The following EHMT1 variants were observed in gnomAD, a reference collection of about 807,000 sequenced individuals.
EHMT1 encodes the protein euchromatic histone lysine methyltransferase 1, also known as histone-lysine N-methyltransferase EHMT1.
EHMT1 carries 15 observed loss-of-function variants against 147.2 expected under a neutral mutation model. That is an observed-to-expected ratio of 0.10 (90% CI 0.07 to 0.16). The LOEUF (loss-of-function observed/expected upper bound fraction) is 0.16. Among genes scored for constraint, EHMT1 ranks in the 10% least tolerant of loss-of-function variants. EHMT1 has a pLI of 1.00. For synonymous variants in EHMT1, 795 were observed against 709.6 expected (o/e 1.12, Z -1.91); for missense variants, 1,587 against 1,772.4 (o/e 0.90, Z 1.88).
At chr9:137,766,838 A>G (rs1162829297) in intron 10 of EHMT1, among the ~76,000 whole-genome samples, 1 of 151,772 alleles carries the variant, frequency 6.6e-6, no homozygotes, top group Non-Finnish European at 1.5e-5. Context: ...GCTTTATTTT[A>G]TTTTTCGAGA....
At position 137,828,978 on chromosome 9, in the gene EHMT1, AG is replaced by A. The variant is rs893473501; in HGVS notation, c.3541-5370del. 5.3e-5 allele frequency among the ~76,000 whole-genome samples: 8 copies of A among 152,122 alleles called. No individual in the cohort carries two copies. The highest frequency in any genetic ancestry group is 1.9e-4 in the African/African-American group (8 of 41,422). The stretch of plus-strand genomic sequence containing the variant: ...GCCTCTTTTGCCTCTGGCGAAGTGA[AG>A]TGAGCACCTGTAGTGAGGTCCACTC... On this transcript the variant is annotated intron_variant, in intron 25 of 26. Coordinates refer to ENST00000460843, the MANE Select transcript of EHMT1 (RefSeq NM_024757.5). This position sits in a 1 kb window ranked among gnomAD's most constrained non-coding sequence, Gnocchi z 5.3.
intron 1 of EHMT1, chr9:137,697,140 G>T (rs892942622): frequency 2.6e-6 from 1 of 386,746 alleles, no homozygotes; most frequent in Non-Finnish European, 5.3e-6. Context: ...AATTAGCTGG[G>T]CATGTTGGCA....
In EHMT1 at chr9:137,805,313, TGTC is replaced by T. The variant is rs201011921; in HGVS notation, c.2712+4333_2712+4335del. 7.7e-3 allele frequency among the ~76,000 whole-genome samples: 1,172 copies of T among 152,304 alleles called. 15 individuals are homozygous for T. The highest frequency in any genetic ancestry group is 0.027 in the African/African-American group (1,130 of 41,572). On this transcript the variant is annotated intron_variant, in intron 18 of 26. Transcript: ENST00000460843. ...TCAGTCATCTGCATGTCTGTGAGTCTGTCGTCCACATGTATGAGTTGGTCATCC... is the reference window on the plus strand; with the variant it reads ...TCAGTCATCTGCATGTCTGTGAGTCTGTCCACATGTATGAGTTGGTCATCC...
chr9:137,784,197 C>T (rs1320367695), intron 15 of EHMT1: 9 of 1,550,140 alleles, frequency 5.8e-6, no homozygotes, highest in Admixed American at 3.9e-5. Context: ...CCAGGAACCA[C>T]GCCAAGAGGA....
intron 1 of EHMT1, among the ~76,000 whole-genome samples, chr9:137,669,597 AGCC>A (rs904932470): frequency 1.4e-5 from 2 of 141,766 alleles, no homozygotes; most frequent in African/African-American, 5.2e-5. Flanking sequence ...CCCAGGGCGC[AGCC>A]GCTCCAGCAG....
chr9:137,710,574 C>T (rs10119023), intron 1 of EHMT1, among the ~76,000 whole-genome samples: 4,924 of 37,340 alleles, frequency 0.13, 242 homozygotes, highest in African/African-American at 0.31. Flanking sequence ...CTTGATTTAT[C>T]TATTTCTATA....
intron 4 of EHMT1, among the ~76,000 whole-genome samples, chr9:137,729,673 T>C (rs558235044): frequency 1.3e-5 from 2 of 152,306 alleles, no homozygotes; most frequent in Admixed American, 1.3e-4. Flanking sequence ...GTGTACCCTT[T>C]ATTCATTTCA....
In EHMT1 at chr9:137,669,817, C is replaced by T. The variant is rs191496119; in HGVS notation, c.22-41150C>T. ...ATCCTCCCATCTGGGCCTCTCAAAG[C>T]GCTGATATTACAGGTGTGAGCCATG... On this transcript the variant is annotated intron_variant, in intron 1 of 26. Transcript: ENST00000460843. 1.6e-3 allele frequency among the ~76,000 whole-genome samples: 245 copies of T among 152,218 alleles called. 1 individual carries two copies. Among genetic ancestry groups the T allele is most frequent in the African/African-American group, 5.5e-3 (229 of 41,522 alleles).
Position 137,619,067 on chromosome 9 carries a change from C to A in EHMT1, c.21+18C>A. 2.4e-6 allele frequency: 2 copies of A among 819,076 alleles called. No homozygotes were observed. Among genetic ancestry groups the A allele is most frequent in the Non-Finnish European group, 2.9e-6 (2 of 681,250 alleles). 50.7% of individuals were successfully genotyped at this position (819,076 alleles called of 1,614,324 possible). On this transcript the variant is annotated intron_variant, in intron 1 of 26. Coordinates refer to ENST00000460843, the MANE Select transcript of EHMT1 (RefSeq NM_024757.5). ...ATGCCGAGGTGAGCAGCGGGGCCGGCGGGGGGCGGCGCGGGGGCGGCGGGC... is the reference window on the plus strand; with the variant it reads ...ATGCCGAGGTGAGCAGCGGGGCCGGAGGGGGGCGGCGCGGGGGCGGCGGGC...
At chr9:137,764,292 T>C in intron 10 of EHMT1, 1 of 152,394 alleles carries the variant, frequency 6.6e-6, no homozygotes, top group Non-Finnish European at 1.5e-5. Context: ...TCAGCGCCTC[T>C]CATCTGTGGC....
At chr9:137,778,094 C>T in intron 13 of EHMT1, 39 bp downstream of exon 13, 1 of 1,612,710 alleles carries the variant, frequency 6.2e-7, no homozygotes, top group Non-Finnish European at 8.5e-7. Flanking sequence ...GTCTCAGAGC[C>T]TGTTTTAATC....
At chr9:137,682,830 A>G (rs1311448528) in intron 1 of EHMT1, among the ~76,000 whole-genome samples, 4 of 152,144 alleles carry the variant, frequency 2.6e-5, no homozygotes, top group Non-Finnish European at 5.9e-5. Flanking sequence ...GATTTCTGTT[A>G]CTGGACAGGC....
Position 137,782,038 on chromosome 9 carries a change from G to T in EHMT1, c.2276-253G>T, listed in dbSNP as rs1335193815. Among the ~76,000 whole-genome samples the T allele has an allele frequency of 6.6e-6, 1 of 152,218 alleles. No individual in the cohort carries two copies. Among genetic ancestry groups the T allele is most frequent in the African/African-American group, 2.4e-5 (1 of 41,456 alleles). On this transcript the variant is annotated intron_variant, in intron 14 of 26. Coordinates refer to ENST00000460843, the MANE Select transcript of EHMT1 (RefSeq NM_024757.5). This position sits in a 1 kb window ranked among gnomAD's most constrained non-coding sequence, Gnocchi z 5.7. ...AGAAGGAACCTCAGAGTTAGAGCAG[G>T]GTGGTAAAGGGAAGAGCGTGCCTTG...
At chr9:137,784,069 G>A (rs571281437) in intron 15 of EHMT1, 47 of 1,010,702 alleles carry the variant, frequency 4.7e-5, no homozygotes, top group South Asian at 1.1e-4. Flanking sequence ...ACTTGAGACC[G>A]GGTCATTTAT....
chr9:137,809,330 G>T (rs999580139), intron 18 of EHMT1, among the ~76,000 whole-genome samples: 1 of 152,220 alleles, frequency 6.6e-6, no homozygotes, highest in Non-Finnish European at 1.5e-5. Flanking sequence ...AGAGCACAAG[G>T]GTGTCTCAGA....
At chr9:137,704,838 T>G (rs932768242) in intron 1 of EHMT1, among the ~76,000 whole-genome samples, 1 of 136,164 alleles carries the variant, frequency 7.3e-6, no homozygotes, top group African/African-American at 2.7e-5. Context: ...CCTTCTTTCT[T>G]TCCTTTCCTT....
intron 24 of EHMT1, chr9:137,817,750 G>C: frequency 1.5e-6 from 1 of 646,010 alleles, no homozygotes; most frequent in South Asian, 1.9e-5. Context: ...AGAAGGCGTG[G>C]TCCAGTTAGG....
intron 1 of EHMT1, among the ~76,000 whole-genome samples, chr9:137,708,874 T>C (rs1204929525): frequency 6.6e-6 from 1 of 152,210 alleles, no homozygotes; most frequent in Non-Finnish European, 1.5e-5. Context: ...TAAGTGAAGA[T>C]GCTCTGTGAG....
intron 3 of EHMT1, among the ~76,000 whole-genome samples, chr9:137,719,004 C>T (rs1238913275): frequency 2.0e-5 from 3 of 152,098 alleles, no homozygotes; most frequent in Admixed American, 6.6e-5. Flanking sequence ...CCATGCGCCT[C>T]GGCCTCCCAG....
Sources: allele counts gnomAD v4.1 joint callset (sites outside exome capture counted in the v4.1 genomes callset), GRCh38; gene constraint gnomAD v4.1.1; non-coding constraint Gnocchi (gnomAD v3.1); transcripts MANE v1.5; gene names NCBI Gene and HGNC (gene_info 2026-07-23, HGNC 2026-07-21).